The following RABGAP1L variants were observed in gnomAD, a reference collection of about 807,000 sequenced individuals.
RABGAP1L encodes rab GTPase-activating protein 1-like.
A neutral mutation model predicts 137.7 loss-of-function variants in RABGAP1L; 63 were observed. The observed-to-expected ratio is 0.46, with a 90% CI of 0.37 to 0.56. The LOEUF is 0.56. Ranked by LOEUF, RABGAP1L falls within the 20% of genes least tolerant of loss-of-function variation. RABGAP1L has a pLI of 0.00. For missense variants in RABGAP1L, 1,095 were observed against 1,244.0 expected, an observed-to-expected ratio of 0.88 and a Z score of 1.80; for synonymous variants, 431 against 433.7, an observed-to-expected ratio of 0.99 and a Z score of 0.08.
intron 11 of RABGAP1L, among the ~76,000 whole-genome samples, chr1:174,335,069 A>G (rs1681359488): frequency 6.6e-6 from 1 of 152,104 alleles, no homozygotes. Flanking sequence ...TGAAATATGT[A>G]TTAGCCATCA....
rs150856253 is a variant in RABGAP1L at position 174,261,061 on chromosome 1, C to T, written c.986+8471C>T. ...GCCTTGGGGAAGGGTAATCAGGAAG[C>T]GATTTTTGGCACCAGGTTTTATGTC... On this transcript the variant is annotated intron_variant, in intron 7 of 25. Coordinates refer to ENST00000681986, the MANE Select transcript of RABGAP1L (RefSeq NM_001366446.1). Among the ~76,000 whole-genome samples the T allele has an allele frequency of 6.8e-4, 103 of 151,928 alleles. 1 individual carries two copies. The highest frequency in any genetic ancestry group is 2.3e-3 in the African/African-American group (94 of 41,444).
chr1:174,985,250 G>A (rs964262325), intron 24 of RABGAP1L, among the ~76,000 whole-genome samples: 8 of 152,080 alleles, frequency 5.3e-5, no homozygotes, highest in African/African-American at 1.4e-4. Context: ...AAAATTAGCC[G>A]GATGTGGTGG....
intron 17 of RABGAP1L, among the ~76,000 whole-genome samples, chr1:174,729,365 A>AT (rs1459600179): frequency 1.3e-5 from 2 of 152,230 alleles, no homozygotes; most frequent in African/African-American, 2.4e-5. Flanking sequence ...ATCACAAACT[A>AT]TAAGAATCCT....
chr1:174,202,495 G>A (rs1175113427), intron 1 of RABGAP1L, among the ~76,000 whole-genome samples: 4 of 152,208 alleles, frequency 2.6e-5, no homozygotes, highest in African/African-American at 7.2e-5. Flanking sequence ...TTTTGATGGG[G>A]TTGTTTGTTT....
intron 13 of RABGAP1L, among the ~76,000 whole-genome samples, chr1:174,453,040 A>G (rs1033653000): frequency 9.8e-5 from 15 of 152,318 alleles, no homozygotes; most frequent in Middle Eastern, 3.4e-3. Flanking sequence ...TATTTCAAGT[A>G]TATTTCTGAA....
chr1:174,371,103 T>C lies in RABGAP1L; in HGVS notation c.1559+31T>C, dbSNP rs1685080720. On this transcript the variant is annotated intron_variant, in intron 12 of 25. Transcript: ENST00000681986. ...ATTTTATTTTTCATACTGAAAATTC[T>C]ATATTTACATAGTTGATGTTAATTT... is the stretch of plus-strand genomic sequence containing the variant. 3 of 1,209,316 alleles carry C rather than the reference T, an allele frequency of 2.5e-6. No homozygotes were observed. The East Asian group carries it at 7.1e-5, about 29-fold the overall frequency. 74.9% of individuals were successfully genotyped at this position (1,209,316 alleles called of 1,614,324 possible). A position where few individuals can be genotyped will look rare whatever the true frequency, so the allele number is the denominator to read the frequency against.
At chr1:174,237,239 G>T (rs1261572169) in intron 4 of RABGAP1L, among the ~76,000 whole-genome samples, 10 of 139,118 alleles carry the variant, frequency 7.2e-5, no homozygotes, top group Admixed American at 2.9e-4. Context: ...GCCAGTCTGT[G>T]TCTTTTAATT....
At chr1:174,546,942 A>G (rs1666057923) in intron 13 of RABGAP1L, among the ~76,000 whole-genome samples, 2 of 140,520 alleles carry the variant, frequency 1.4e-5, no homozygotes, top group South Asian at 4.8e-4. Flanking sequence ...AGGCAGGAGA[A>G]TGGCGTGAAC....
chr1:174,941,430 AT>A (rs998656954), intron 19 of RABGAP1L, among the ~76,000 whole-genome samples: 4 of 152,228 alleles, frequency 2.6e-5, no homozygotes, highest in Non-Finnish European at 5.9e-5. Context: ...GATGTCAGAA[AT>A]AATTTCAAAT....
intron 18 of RABGAP1L, among the ~76,000 whole-genome samples, chr1:174,758,669 A>G (rs1684973413): frequency 6.6e-6 from 1 of 152,120 alleles, no homozygotes; most frequent in Non-Finnish European, 1.5e-5. Flanking sequence ...ATATTAATAT[A>G]TCACATTTTC....
At chr1:174,307,760 A>G (rs1382208392) in intron 11 of RABGAP1L, among the ~76,000 whole-genome samples, 1 of 152,142 alleles carries the variant, frequency 6.6e-6, no homozygotes, top group Non-Finnish European at 1.5e-5. Flanking sequence ...GCTATTGTGA[A>G]TAATGCTGCA....
rs1692904285 is a variant in RABGAP1L, at chr1:174,837,617, T to C, written c.2340+25657T>C. On this transcript the variant is annotated intron_variant, in intron 19 of 25. Coordinates refer to ENST00000681986, the MANE Select transcript of RABGAP1L (RefSeq NM_001366446.1). ...ATATGGTTAGATTTGGGCAAACAAATGCTATGCCAAATATGGCATTTATTG... is the reference window on the plus strand; with the variant it reads ...ATATGGTTAGATTTGGGCAAACAAACGCTATGCCAAATATGGCATTTATTG... 2.6e-5 allele frequency among the ~76,000 whole-genome samples: 4 copies of C among 152,332 alleles called. No homozygotes were observed. The South Asian group carries it at 8.3e-4, about 32-fold the overall frequency.
At chr1:174,451,269 A>G (rs987911544) in intron 13 of RABGAP1L, among the ~76,000 whole-genome samples, 2 of 152,328 alleles carry the variant, frequency 1.3e-5, no homozygotes, top group Middle Eastern at 6.8e-3. Flanking sequence ...AGACTTCTAA[A>G]TTATACATAT....
At chr1:174,250,418 A>G in intron 5 of RABGAP1L, 57 bp from the exon 6 acceptor site, 1 of 1,355,868 alleles carries the variant, frequency 7.4e-7, no homozygotes, top group Non-Finnish European at 1.0e-6. Flanking sequence ...GGAGAGAAGG[A>G]TATCAGAATG....
chr1:174,727,730 G>A (rs1255851862), intron 17 of RABGAP1L, among the ~76,000 whole-genome samples: 1 of 152,138 alleles, frequency 6.6e-6, no homozygotes, highest in Non-Finnish European at 1.5e-5. Context: ...TGGATATGCT[G>A]ATTAGCCTGA....
intron 19 of RABGAP1L, chr1:174,935,118 T>TAA (rs954325868): frequency 6.6e-6 from 1 of 152,208 alleles, no homozygotes; most frequent in African/African-American, 2.4e-5. Flanking sequence ...CAAAAAGGGA[T>TAA]AATTAGGACA....
chr1:174,932,415 T>C (rs2149263326), intron 19 of RABGAP1L, among the ~76,000 whole-genome samples: 1 of 152,222 alleles, frequency 6.6e-6, no homozygotes, highest in South Asian at 2.1e-4. Flanking sequence ...CCATTTGAGT[T>C]TGTCTGGTGG....
At chr1:174,789,107 A>C (rs1018942261) in intron 18 of RABGAP1L, among the ~76,000 whole-genome samples, 3 of 152,150 alleles carry the variant, frequency 2.0e-5, no homozygotes, top group African/African-American at 7.2e-5. Flanking sequence ...CTAAATACCA[A>C]TATTATGATA....
intron 18 of RABGAP1L, among the ~76,000 whole-genome samples, chr1:174,769,897 G>A (rs946597099): frequency 2.0e-5 from 3 of 152,106 alleles, no homozygotes; most frequent in African/African-American, 7.2e-5. Context: ...ACTGGAAAAT[G>A]GATTTCAGTT....
Sources: allele counts gnomAD v4.1 joint callset (sites outside exome capture counted in the v4.1 genomes callset), GRCh38; gene constraint gnomAD v4.1.1; transcripts MANE v1.5; gene names NCBI Gene and HGNC (gene_info 2026-07-23, HGNC 2026-07-21).